The following ZNF438 variants were observed in gnomAD, a reference collection of about 807,000 sequenced individuals.
The protein encoded by ZNF438 is zinc finger protein 438.
A neutral mutation model predicts 38.0 loss-of-function variants in ZNF438; 25 were observed. The ratio of observed to expected loss-of-function variants is 0.66; its 90% CI spans 0.48 to 0.92. The LOEUF (loss-of-function observed/expected upper bound fraction) is 0.92. ZNF438 is among the 40% of genes least tolerant of loss of function. ZNF438 has a pLI of 0.00. For synonymous variants in ZNF438, 372 were observed against 364.1 expected, an observed-to-expected ratio of 1.02 and a Z score of -0.25; for missense variants, 1,007 against 999.6, an observed-to-expected ratio of 1.01 and a Z score of -0.10.
intron 2 of ZNF438, among the ~76,000 whole-genome samples, chr10:30,936,927 A>T (rs1425034237): frequency 6.6e-6 from 1 of 152,166 alleles, no homozygotes; most frequent in Admixed American, 6.5e-5. Context: ...ACATAAAAAA[A>T]TTTTAAACAC....
chr10:30,952,245 TC>T (rs1372420649), intron 1 of ZNF438, among the ~76,000 whole-genome samples: 1 of 149,008 alleles, frequency 6.7e-6, no homozygotes, highest in Non-Finnish European at 1.5e-5. Flanking sequence ...TATACAAAAA[TC>T]AATTCAAGAT....
chr10:31,023,043 T>G (rs915024372), intron 1 of ZNF438, among the ~76,000 whole-genome samples: 2 of 152,226 alleles, frequency 1.3e-5, no homozygotes, highest in Admixed American at 1.3e-4. Context: ...CAATTACTTT[T>G]GCACCAACCT....
At chr10:31,005,920 T>C (rs1315811816) in intron 1 of ZNF438, among the ~76,000 whole-genome samples, 2 of 152,228 alleles carry the variant, frequency 1.3e-5, no homozygotes, top group Non-Finnish European at 2.9e-5. Context: ...CTTTCATTTA[T>C]TATGTTGTGA....
chr10:30,983,222 A>T (rs569850122), intron 1 of ZNF438, among the ~76,000 whole-genome samples: 1 of 152,366 alleles, frequency 6.6e-6, no homozygotes, highest in East Asian at 1.9e-4. Context: ...ATGTCCGCAA[A>T]CACCATGCCC....
At chr10:30,913,416 G>A (rs2043274345) in intron 2 of ZNF438, among the ~76,000 whole-genome samples, 1 of 151,794 alleles carries the variant, frequency 6.6e-6, no homozygotes, top group African/African-American at 2.4e-5. Flanking sequence ...TCTTTTCTCT[G>A]TTTAAAATGC....
At chr10:31,017,496 TCTC>T (rs1307040740) in intron 1 of ZNF438, among the ~76,000 whole-genome samples, 1 of 152,174 alleles carries the variant, frequency 6.6e-6, no homozygotes, top group Non-Finnish European at 1.5e-5. Context: ...GGCAACATAA[TCTC>T]CTAAAAATTT....
At chr10:31,006,374 A>G (rs984618285) in intron 1 of ZNF438, among the ~76,000 whole-genome samples, 1 of 151,924 alleles carries the variant, frequency 6.6e-6, no homozygotes, top group Non-Finnish European at 1.5e-5. Flanking sequence ...TAGAAACCCA[A>G]AAGGGCAGGG....
chr10:30,947,467 GCTGT>G (rs1200586160), intron 1 of ZNF438, among the ~76,000 whole-genome samples: 12 of 152,264 alleles, frequency 7.9e-5, no homozygotes, highest in Admixed American at 6.5e-4. Context: ...AGAGGTTACT[GCTGT>G]CTTTTTGTTT....
At chr10:30,932,032 C>T (rs887874326) in intron 2 of ZNF438, among the ~76,000 whole-genome samples, 30 of 152,242 alleles carry the variant, frequency 2.0e-4, no homozygotes, top group African/African-American at 6.5e-4. Flanking sequence ...TCCTTGGACA[C>T]TCTCCCTGGA....
chr10:30,961,510 G>A (rs2049487995), intron 1 of ZNF438, among the ~76,000 whole-genome samples: 1 of 145,962 alleles, frequency 6.9e-6, no homozygotes, highest in African/African-American at 2.4e-5. Flanking sequence ...TTCTTTGATT[G>A]TATAATCGCA....
chr10:30,981,200 C>A (rs1179001652), intron 1 of ZNF438, among the ~76,000 whole-genome samples: 1 of 152,204 alleles, frequency 6.6e-6, no homozygotes, highest in African/African-American at 2.4e-5. Flanking sequence ...TGACAGAGAA[C>A]AACTGACATG....
chr10:30,880,301 C>G (rs1310482670), intron 3 of ZNF438, among the ~76,000 whole-genome samples: 4 of 151,768 alleles, frequency 2.6e-5, no homozygotes, highest in Middle Eastern at 3.4e-3. Context: ...CATGGTGGTG[C>G]ATGCCTGTAA....
chr10:30,908,675 T>C (rs544119515), intron 3 of ZNF438, among the ~76,000 whole-genome samples: 68 of 152,202 alleles, frequency 4.5e-4, no homozygotes, highest in Non-Finnish European at 9.3e-4. Context: ...TATAAAAATA[T>C]ATACAAGTGC....
intron 2 of ZNF438, among the ~76,000 whole-genome samples, chr10:30,935,270 G>C (rs1461415409): frequency 6.6e-6 from 1 of 152,226 alleles, no homozygotes; most frequent in Non-Finnish European, 1.5e-5. Context: ...AATATGTCAG[G>C]CTGGGTGATT....
chr10:31,002,350 T>C (rs1414806701), intron 1 of ZNF438, among the ~76,000 whole-genome samples: 1 of 152,204 alleles, frequency 6.6e-6, no homozygotes, highest in Admixed American at 6.5e-5. Context: ...TCAGATATTA[T>C]AGATATTCAC....
At chr10:30,905,081 C>T (rs2042440036) in intron 3 of ZNF438, among the ~76,000 whole-genome samples, 1 of 152,192 alleles carries the variant, frequency 6.6e-6, no homozygotes, top group Non-Finnish European at 1.5e-5. Flanking sequence ...ATATACTTCA[C>T]ATACTGTAAC....
At chr10:31,001,344 A>G (rs1041051826) in intron 1 of ZNF438, among the ~76,000 whole-genome samples, 1 of 152,214 alleles carries the variant, frequency 6.6e-6, no homozygotes, top group Admixed American at 6.5e-5. Context: ...ATATGCACCC[A>G]GGCACAGTAA....
At chr10:30,904,426 C>T (rs1041941530) in intron 3 of ZNF438, among the ~76,000 whole-genome samples, 1 of 152,132 alleles carries the variant, frequency 6.6e-6, no homozygotes, top group Admixed American at 6.5e-5. Flanking sequence ...CCCTTTTCCT[C>T]GTCTCCACTG....
intron 5 of ZNF438, among the ~76,000 whole-genome samples, chr10:30,846,169 A>C (rs1256167490): frequency 6.6e-6 from 1 of 152,182 alleles, no homozygotes; most frequent in African/African-American, 2.4e-5. Context: ...TCCTAGAGTT[A>C]GATTTTGATT....
Sources: gnomAD v4.1 joint callset for allele counts (sites outside exome capture counted in the v4.1 genomes callset) on GRCh38, gnomAD v4.1.1 for gene constraint, MANE v1.5 for transcripts, NCBI Gene and HGNC (gene_info 2026-07-23, HGNC 2026-07-21) for gene names.